The following RANBP10 variants were observed in gnomAD, a reference collection of about 807,000 sequenced individuals.
The protein encoded by RANBP10 is ran-binding protein 10.
RANBP10 carries 24 observed loss-of-function variants against 72.8 expected under a neutral mutation model. The ratio of observed to expected loss-of-function variants is 0.33; its 90% CI spans 0.24 to 0.46. The LOEUF (loss-of-function observed/expected upper bound fraction) is 0.46, where lower values mean the gene tolerates loss of function less well. RANBP10 is among the 20% of genes least tolerant of loss of function. The pLI, the probability that RANBP10 is intolerant of heterozygous loss-of-function variation, is 1.00. For synonymous variants in RANBP10, 310 were observed against 322.3 expected (o/e 0.96, Z 0.41); for missense variants, 679 against 817.5 (o/e 0.83, Z 2.07).
intron 3 of RANBP10, among the ~76,000 whole-genome samples, chr16:67,752,431 G>C (rs1192330061): frequency 1.3e-5 from 2 of 152,140 alleles, no homozygotes; most frequent in African/African-American, 4.8e-5. Flanking sequence ...AAAGAACGCA[G>C]CCCTGCCAAT....
chr16:67,790,210 T>C (rs559378246), intron 2 of RANBP10, among the ~76,000 whole-genome samples: 2 of 151,674 alleles, frequency 1.3e-5, no homozygotes, highest in African/African-American at 2.4e-5. Flanking sequence ...AGGACCAATA[T>C]TGTAGGATTC....
At chr16:67,737,192 CTTTTT>C (rs71145979) in intron 5 of RANBP10, among the ~76,000 whole-genome samples, 1 of 75,980 alleles carries the variant, frequency 1.3e-5, no homozygotes, top group African/African-American at 6.2e-5. Flanking sequence ...CCATCCTTTT[CTTTTT>C]TTTTTTTTTT....
chr16:67,757,103 G>T (rs538620703), intron 3 of RANBP10, among the ~76,000 whole-genome samples: 1 of 152,280 alleles, frequency 6.6e-6, no homozygotes, highest in African/African-American at 2.4e-5. Context: ...AGCTATTTGG[G>T]AGGCTGAGGC....
At chr16:67,727,081 G>A (rs1368346088) in intron 13 of RANBP10, among the ~76,000 whole-genome samples, 1 of 152,204 alleles carries the variant, frequency 6.6e-6, no homozygotes, top group Non-Finnish European at 1.5e-5. Context: ...GATCACCTGA[G>A]GCCAGGAGTT....
chr16:67,780,244 AC>A (rs1156586783), intron 2 of RANBP10, among the ~76,000 whole-genome samples: 9 of 152,082 alleles, frequency 5.9e-5, no homozygotes, highest in African/African-American at 1.9e-4. Flanking sequence ...AAACAAACAA[AC>A]AAACAAAAAA....
chr16:67,776,461 C>CAAAAAAAA (rs149876935), intron 2 of RANBP10, among the ~76,000 whole-genome samples: 2 of 37,894 alleles, frequency 5.3e-5, no homozygotes, highest in Non-Finnish European at 1.0e-4. Flanking sequence ...GACTCCATCT[C>CAAAAAAAA]AAAAAAAAAA....
At chr16:67,787,224 G>A (rs1597908803) in intron 2 of RANBP10, among the ~76,000 whole-genome samples, 1 of 152,138 alleles carries the variant, frequency 6.6e-6, no homozygotes, top group Non-Finnish European at 1.5e-5. Flanking sequence ...GGGTGACAGA[G>A]TGAGACTCTA....
At chr16:67,726,894 G>A (rs1465673040) in intron 13 of RANBP10, among the ~76,000 whole-genome samples, 2 of 152,226 alleles carry the variant, frequency 1.3e-5, no homozygotes, top group African/African-American at 4.8e-5. Flanking sequence ...GGCCTGTACA[G>A]AGCTTGCTGC....
chr16:67,784,806 C>T (rs1056393585), intron 2 of RANBP10, among the ~76,000 whole-genome samples: 12 of 145,148 alleles, frequency 8.3e-5, no homozygotes, highest in Non-Finnish European at 1.2e-4. Flanking sequence ...GTGACAAGAG[C>T]GAAACTCCAT....
At chr16:67,794,651 G>A (rs1164479678) in intron 2 of RANBP10, among the ~76,000 whole-genome samples, 1 of 148,176 alleles carries the variant, frequency 6.7e-6, no homozygotes, top group Admixed American at 6.8e-5. Flanking sequence ...GCCTCCCGAA[G>A]AGCTGAGACT....
chr16:67,798,421 C>T (rs2055172852), intron 2 of RANBP10, among the ~76,000 whole-genome samples: 1 of 152,136 alleles, frequency 6.6e-6, no homozygotes, highest in African/African-American at 2.4e-5. Flanking sequence ...TTAGATGGTC[C>T]TCCACACCAG....
chr16:67,732,351 T>C (rs563074418), intron 6 of RANBP10, among the ~76,000 whole-genome samples: 1 of 152,272 alleles, frequency 6.6e-6, no homozygotes, highest in South Asian at 2.1e-4. Context: ...CAGTGGCACA[T>C]GTGTGTACAC....
chr16:67,744,244 GT>G, intron 4 of RANBP10, 43 bp downstream of exon 4: 1 of 1,585,310 alleles, frequency 6.3e-7, no homozygotes, highest in South Asian at 1.1e-5. Context: ...ACCAACCAAA[GT>G]GGCTCCACAG....
intron 2 of RANBP10, among the ~76,000 whole-genome samples, chr16:67,803,164 T>G (rs1734183398): frequency 6.6e-6 from 1 of 152,020 alleles, no homozygotes; most frequent in East Asian, 1.9e-4. Context: ...CGGTGGAAGG[T>G]GAAAATAGGA....
chr16:67,806,278 C>T, intron 1 of RANBP10, 24 bp downstream of exon 1: 4 of 1,583,484 alleles, frequency 2.5e-6, no homozygotes, highest in Non-Finnish European at 2.6e-6. Flanking sequence ...AGCCTTAATT[C>T]CCCCCAGCCT....
chr16:67,791,181 T>C (rs1243030054), intron 2 of RANBP10, among the ~76,000 whole-genome samples: 2 of 151,040 alleles, frequency 1.3e-5, no homozygotes, highest in South Asian at 4.2e-4. Context: ...GCCTGGCTAA[T>C]TTTTTGTATC....
At chr16:67,794,417 A>G (rs2055087893) in intron 2 of RANBP10, among the ~76,000 whole-genome samples, 1 of 151,458 alleles carries the variant, frequency 6.6e-6, no homozygotes, top group African/African-American at 2.4e-5. Context: ...AGCCTGGGTG[A>G]CACAGCGAGA....
chr16:67,769,284 A>G (rs886434601), intron 3 of RANBP10, among the ~76,000 whole-genome samples: 1 of 151,490 alleles, frequency 6.6e-6, no homozygotes, highest in Non-Finnish European at 1.5e-5. Flanking sequence ...TTTATTAAAA[A>G]TACAAAAAAA....
intron 2 of RANBP10, among the ~76,000 whole-genome samples, chr16:67,800,012 T>G (rs1168601078): frequency 6.6e-6 from 1 of 152,048 alleles, no homozygotes; most frequent in Non-Finnish European, 1.5e-5. Flanking sequence ...TCCCAGCTAC[T>G]CGGGAGGGTG....
Sources: gnomAD v4.1 joint callset for allele counts (sites outside exome capture counted in the v4.1 genomes callset) on GRCh38, gnomAD v4.1.1 for gene constraint, MANE v1.5 for transcripts, NCBI Gene and HGNC (gene_info 2026-07-23, HGNC 2026-07-21) for gene names.